The following ZNF197 variants were observed in gnomAD, a reference collection of about 807,000 sequenced individuals.
ZNF197 encodes VHL-associated KRAB-A domain-containing protein.
ZNF197 carries 14 observed loss-of-function variants against 27.4 expected under a neutral mutation model. That is an observed-to-expected ratio of 0.51 (90% CI 0.34 to 0.80). The LOEUF (loss-of-function observed/expected upper bound fraction) is 0.80. Among genes scored for constraint, ZNF197 ranks in the 30% least tolerant of loss-of-function variants. ZNF197 has a pLI of 0.02. For missense variants in ZNF197, 1,090 were observed against 1,222.6 expected, an observed-to-expected ratio of 0.89 and a Z score of 1.62; for synonymous variants, 415 against 420.0, an observed-to-expected ratio of 0.99 and a Z score of 0.15.
Position 44,644,408 on chromosome 3 carries a change from G to C in ZNF197, c.*188G>C. 1 of 1,312,576 alleles carries C rather than the reference G, an allele frequency of 7.6e-7. No individual in the cohort carries two copies. Among genetic ancestry groups the C allele is most frequent in the South Asian group, 1.9e-5 (1 of 51,368 alleles). The allele number at this position is 1,312,576 out of a possible 1,614,324, so 81.3% of individuals were successfully genotyped here. Reference sequence around the variant, plus strand: ...AATCCCAGCACTTTGAGAGGCCGAAGCGAGTGGATCACCTGAGGTCAGGAT... The same window carrying C: ...AATCCCAGCACTTTGAGAGGCCGAACCGAGTGGATCACCTGAGGTCAGGAT... On this transcript the variant is annotated 3_prime_UTR_variant, in exon 6 of 6. Transcript: ENST00000344387.
Position 44,642,291 on chromosome 3 carries a change from C to T in ZNF197, c.1161C>T (p.Asn387=). 1 of 1,614,032 alleles carries T rather than the reference C, an allele frequency of 6.2e-7. No individual in the cohort carries two copies. Among genetic ancestry groups the T allele is most frequent in the South Asian group, 1.1e-5 (1 of 91,070 alleles). The change falls in exon 6 of 6, where the codon AAC becomes AAT. Residue 387 remains asparagine, a synonymous_variant. Transcript: ENST00000344387. ...TTAATAAAATCTCCCATCTTATAAA[C>T]CATCGGAGAATCCACACTGGTGAGA... ...KHFNKISHLI[N]HRRIHTGEKP...
At chr3:44,636,999 C>T (rs759207937) in intron 5 of ZNF197, among the ~76,000 whole-genome samples, 5 of 152,086 alleles carry the variant, frequency 3.3e-5, no homozygotes, top group Admixed American at 6.5e-5. Context: ...ACTATATGTA[C>T]GTCTTCGGAG....
At position 44,646,141 on chromosome 3, in the gene ZNF197, G is replaced by A; in HGVS notation, c.*1921G>A. On this transcript the variant is annotated 3_prime_UTR_variant, in exon 6 of 6. Transcript: ENST00000344387. ...AGGCTTAAAGTCTTAAGACCTGGAT[G>A]TGGTTCAGGTTTTGCCATCTGCCTC... is the stretch of plus-strand genomic sequence containing the variant. The A allele has an allele frequency of 1.0e-6, 1 of 984,446 alleles. No homozygotes were observed. Among genetic ancestry groups the A allele is most frequent in the South Asian group, 4.7e-5 (1 of 21,250 alleles). 61.0% of individuals were successfully genotyped at this position (984,446 alleles called of 1,614,324 possible).
At chr3:44,629,879 G>A (rs1284545951) in intron 2 of ZNF197, among the ~76,000 whole-genome samples, 1 of 152,172 alleles carries the variant, frequency 6.6e-6, no homozygotes, top group Non-Finnish European at 1.5e-5. Context: ...AGAAGCCTAT[G>A]TATTGTTTCT....
chr3:44,646,225 G>A lies in ZNF197; in HGVS notation c.*2005G>A, dbSNP rs2125830460. On this transcript the variant is annotated 3_prime_UTR_variant, in exon 6 of 6. Coordinates refer to ENST00000344387, the MANE Select transcript of ZNF197 (RefSeq NM_006991.5). ...TTCCTCATCTGTTAAACAGGAGGAA[G>A]AATATCTACCTCACAAAGTTCTTAT... 2.0e-6 allele frequency: 2 copies of A among 980,562 alleles called. No individual in the cohort carries two copies. Among genetic ancestry groups the A allele is most frequent in the South Asian group, 9.4e-5 (2 of 21,206 alleles). The allele number at this position is 980,562 out of a possible 1,614,324, so 60.7% of individuals were successfully genotyped here. A position where few individuals can be genotyped will look rare whatever the true frequency, so the allele number is the denominator to read the frequency against.
In ZNF197 at chr3:44,642,305, A is replaced by C; in HGVS notation, c.1175A>C (p.His392Pro). The change falls in exon 6 of 6, where the codon CAC (histidine) becomes CCC (proline). Residue 392 changes from histidine (H) to proline (P), a missense_variant. By Grantham distance (77) the His-to-Pro change is moderately conservative. Transcript: ENST00000344387. ...CATCTTATAAACCATCGGAGAATCCACACTGGTGAGAAACCTCATAAATGT... is the reference window on the plus strand; with the variant it reads ...CATCTTATAAACCATCGGAGAATCCCCACTGGTGAGAAACCTCATAAATGT... Reference protein sequence around the residue: ...ISHLINHRRIHTGEKPHKCKE... With the variant: ...ISHLINHRRIPTGEKPHKCKE... 1 of 1,614,196 alleles carries C rather than the reference A, an allele frequency of 6.2e-7. No homozygotes were observed. Among genetic ancestry groups the C allele is most frequent in the African/African-American group, 1.3e-5 (1 of 75,076 alleles).
chr3:44,630,597 C>T (rs1701933274), intron 2 of ZNF197, among the ~76,000 whole-genome samples: 1 of 152,156 alleles, frequency 6.6e-6, no homozygotes. Context: ...GAAACTGAGG[C>T]AGATGTCTAG....
chr3:44,642,129 A>G lies in ZNF197; in HGVS notation c.999A>G (p.Lys333=), dbSNP rs373269035. 4.0e-5 allele frequency: 65 copies of G among 1,613,990 alleles called. No homozygotes were observed. Among genetic ancestry groups the G allele is most frequent in the Middle Eastern group, 1.6e-4 (1 of 6,082 alleles). Residue 333 remains lysine (K), a synonymous_variant, in exon 6 of 6, where the codon AAA becomes AAG. Coordinates refer to ENST00000344387, the MANE Select transcript of ZNF197 (RefSeq NM_006991.5). ...KVSLCERDKK[K]RTPPEKQGQK... ...CCCTTTGTGAACGAGACAAGAAGAA[A>G]AGGACTCCACCAGAGAAACAAGGCC...
At chr3:44,636,602 A>G (rs1057148125) in intron 5 of ZNF197, among the ~76,000 whole-genome samples, 1 of 152,186 alleles carries the variant, frequency 6.6e-6, no homozygotes, top group South Asian at 2.1e-4. Context: ...GAATGGATGT[A>G]TCTCCCATTT....
In ZNF197 at chr3:44,641,889, C is replaced by T. The variant is rs1432358858; in HGVS notation, c.770-11C>T. 1 of 1,564,870 alleles carries T rather than the reference C, an allele frequency of 6.4e-7. No homozygotes were observed. The highest frequency in any genetic ancestry group is 1.2e-5 in the South Asian group (1 of 82,876). On this transcript the variant is annotated splice_polypyrimidine_tract_variant and intron_variant, in intron 5 of 5. Coordinates refer to ENST00000344387, the MANE Select transcript of ZNF197 (RefSeq NM_006991.5). Reference sequence around the variant, plus strand: ...CGTGGTAACATTTGCATTTTTAATTCCTTTTACCAGAATGGGAGACCATGA... The same window carrying T: ...CGTGGTAACATTTGCATTTTTAATTTCTTTTACCAGAATGGGAGACCATGA...
intron 5 of ZNF197, among the ~76,000 whole-genome samples, chr3:44,636,218 T>C (rs1702277893): frequency 6.7e-6 from 1 of 148,804 alleles, no homozygotes; most frequent in Non-Finnish European, 1.5e-5. Flanking sequence ...GGCAGGAGAA[T>C]GGCTTGAACC....
Position 44,632,216 on chromosome 3 carries a change from T to C in ZNF197, c.642+20T>C. 1 of 1,612,186 alleles carries C rather than the reference T, an allele frequency of 6.2e-7. No individual in the cohort carries two copies. The highest frequency in any genetic ancestry group is 1.1e-5 in the South Asian group (1 of 91,032). ...CCCCAGGTAAGGTTTGCATCCTCTT[T>C]CCTTCCCATCTGCACAGCGTAACTG... is the stretch of plus-strand genomic sequence containing the variant. On this transcript the variant is annotated intron_variant, in intron 4 of 5. Coordinates refer to ENST00000344387, the MANE Select transcript of ZNF197 (RefSeq NM_006991.5).
chr3:44,639,023 A>G (rs78715591), intron 5 of ZNF197, among the ~76,000 whole-genome samples: 175 of 152,308 alleles, frequency 1.1e-3, no homozygotes, highest in East Asian at 0.01. Flanking sequence ...CAGAAATTCT[A>G]TTCCTACTTT....
intron 5 of ZNF197, among the ~76,000 whole-genome samples, chr3:44,635,390 A>G (rs1702228836): frequency 6.6e-6 from 1 of 152,222 alleles, no homozygotes; most frequent in African/African-American, 2.4e-5. Context: ...AATAAAAGTT[A>G]TATGTCTAAA....
chr3:44,643,761 T>C lies in ZNF197; in HGVS notation c.2631T>C (p.His877=), dbSNP rs781728645. Residue 877 remains histidine (H), a synonymous_variant, in exon 6 of 6, where the codon CAT becomes CAC. Coordinates refer to ENST00000344387, the MANE Select transcript of ZNF197 (RefSeq NM_006991.5). ...IHSGEKTYEC[H]VCRKVLTSSR... is the part of the protein sequence containing the mutation. ...GTGGAGAAAAAACCTACGAATGTCA[T>C]GTATGTAGGAAAGTCCTTACCTCTA... is the stretch of plus-strand genomic sequence containing the variant. 8 of 1,614,022 alleles carry C rather than the reference T, an allele frequency of 5.0e-6. No individual in the cohort carries two copies. Among genetic ancestry groups the C allele is most frequent in the Non-Finnish European group, 5.1e-6 (6 of 1,180,024 alleles).
In ZNF197 at chr3:44,632,192, C is replaced by T. The variant is rs1259571451; in HGVS notation, c.638C>T (p.Pro213Leu). 4 of 1,614,126 alleles carry T rather than the reference C, an allele frequency of 2.5e-6. No homozygotes were observed. The highest frequency in any genetic ancestry group is 3.4e-6 in the Non-Finnish European group (4 of 1,179,992). ...GCACTTATGCTCCTAACAGCCCAGC[C>T]CCAGGTAAGGTTTGCATCCTCTTTC... ...LMALMLLTAQ[P>L]QELVMFEEVS... Residue 213 changes from proline (P) to leucine (L), a missense_variant, in exon 4 of 6, where the codon CCC (proline) becomes CTC (leucine). Physicochemically the swap from Pro to Leu is moderately conservative, Grantham distance 98. Coordinates refer to ENST00000344387, the MANE Select transcript of ZNF197 (RefSeq NM_006991.5).
In ZNF197 at chr3:44,631,566, A is replaced by G. The variant is rs570460794; in HGVS notation, c.550+345A>G. ...CAGGTGCCCGCCACTGTGCCCGGCT[A>G]GTTTTTTAATTTTTTTTTTAGTAGA... On this transcript the variant is annotated intron_variant, in intron 3 of 5. Coordinates refer to ENST00000344387, the MANE Select transcript of ZNF197 (RefSeq NM_006991.5). 6.4e-4 allele frequency among the ~76,000 whole-genome samples: 97 copies of G among 151,556 alleles called. 1 individual carries two copies. The highest frequency in any genetic ancestry group is 1.2e-3 in the Non-Finnish European group (83 of 67,902).
intron 5 of ZNF197, 108 bp from the exon 6 acceptor site, chr3:44,641,792 A>T: frequency 8.0e-7 from 1 of 1,253,712 alleles, no homozygotes; most frequent in Non-Finnish European, 1.1e-6. Context: ...TCCTTTTTGT[A>T]TGCATATTAA....
At position 44,629,136 on chromosome 3, in the gene ZNF197, C is replaced by A. The variant is rs754011129; in HGVS notation, c.-19C>A. The A allele has an allele frequency of 3.1e-6, 5 of 1,593,000 alleles. No homozygotes were observed. The highest frequency in any genetic ancestry group is 1.1e-5 in the South Asian group (1 of 87,222). ...TAAGGAGACCTGGACTGGAGAGGAG[C>A]CTTTTTCAAAAAACAACAATGACAA... is the stretch of plus-strand genomic sequence containing the variant. On this transcript the variant is annotated 5_prime_UTR_variant, in exon 2 of 6. Transcript: ENST00000344387.
Sources: allele counts gnomAD v4.1 joint callset (sites outside exome capture counted in the v4.1 genomes callset), GRCh38; gene constraint gnomAD v4.1.1; transcripts MANE v1.5; gene names NCBI Gene and HGNC (gene_info 2026-07-23, HGNC 2026-07-21).